AKAP6: variants seen among roughly 807,000 people sequenced by gnomAD.
The protein encoded by AKAP6 is A-kinase anchoring protein 6, also known as A-kinase anchor protein 6.
A neutral mutation model predicts 188.5 loss-of-function variants in AKAP6; 58 were observed. The observed-to-expected ratio is 0.31, with a 90% CI of 0.25 to 0.38. The LOEUF (loss-of-function observed/expected upper bound fraction) is 0.38. AKAP6 is among the 10% of genes least tolerant of loss of function. The probability of loss-of-function intolerance (pLI) is 1.00; values close to 1 mark genes in which losing one functional copy is unlikely to be tolerated. For synonymous variants in AKAP6, 989 were observed against 998.6 expected, an observed-to-expected ratio of 0.99 and a Z score of 0.18; for missense variants, 2,710 against 2,740.0, an observed-to-expected ratio of 0.99 and a Z score of 0.24.
At chr14:32,769,135 C>T (rs1283419478) in intron 11 of AKAP6, among the ~76,000 whole-genome samples, 1 of 144,276 alleles carries the variant, frequency 6.9e-6, no homozygotes, top group Non-Finnish European at 1.5e-5. Context: ...GCAACCTCCA[C>T]CTCCTGGGCT....
At chr14:32,632,345 T>C (rs10140278) in intron 7 of AKAP6, among the ~76,000 whole-genome samples, 42,810 of 152,030 alleles carry the variant, frequency 0.28, 6,253 homozygotes, top group South Asian at 0.39. Context: ...ATTTATTCTA[T>C]GAATGTTTAT....
At chr14:32,481,166 T>C (rs1459915741) in intron 2 of AKAP6, among the ~76,000 whole-genome samples, 2 of 152,324 alleles carry the variant, frequency 1.3e-5, no homozygotes, top group Middle Eastern at 3.4e-3. Context: ...ACTTTATCTG[T>C]TCAGTATTGA....
intron 11 of AKAP6, among the ~76,000 whole-genome samples, chr14:32,744,965 T>G (rs1428132053): frequency 6.6e-6 from 1 of 152,182 alleles, no homozygotes; most frequent in African/African-American, 2.4e-5. Context: ...TTCTTTTTAA[T>G]TATTTTAATC....
In AKAP6 at chr14:32,772,033, A is replaced by G. The variant is rs187580020; in HGVS notation, c.3373-1645A>G. Among the ~76,000 whole-genome samples, 156 of 152,012 alleles carry G rather than the reference A, an allele frequency of 1.0e-3. 3 individuals carry two copies. The highest frequency in any genetic ancestry group is 1.9e-3 in the East Asian group (10 of 5,150). ...CGTTCTAGAGCAAGAGATAAATTGA[A>G]GGGTGTGTGTGGATGTGTGTGTGTG... On this transcript the variant is annotated intron_variant, in intron 11 of 13. Coordinates refer to ENST00000280979, the MANE Select transcript of AKAP6 (RefSeq NM_004274.5).
chr14:32,773,418 A>T (rs995598145), intron 11 of AKAP6, among the ~76,000 whole-genome samples: 2 of 152,184 alleles, frequency 1.3e-5, no homozygotes, highest in Non-Finnish European at 2.9e-5. Flanking sequence ...TTAATTACCC[A>T]GGTGTCTAGG....
intron 1 of AKAP6, among the ~76,000 whole-genome samples, chr14:32,341,395 A>G (rs1451369420): frequency 2.6e-5 from 4 of 152,182 alleles, no homozygotes; most frequent in African/African-American, 7.2e-5. Flanking sequence ...AAAATGGCCA[A>G]ATATTAACAG....
chr14:32,551,439 G>A (rs1306568760), intron 4 of AKAP6, among the ~76,000 whole-genome samples: 1 of 151,664 alleles, frequency 6.6e-6, no homozygotes, highest in Non-Finnish European at 1.5e-5. Context: ...AGGTGTGATG[G>A]TGTGCACCTG....
intron 8 of AKAP6, among the ~76,000 whole-genome samples, chr14:32,684,529 C>T (rs1889825031): frequency 6.6e-6 from 1 of 152,120 alleles, no homozygotes; most frequent in Non-Finnish European, 1.5e-5. Context: ...CTTCCAACTA[C>T]ACAAATAATG....
At position 32,362,393 on chromosome 14, in the gene AKAP6, C is replaced by T. The variant is rs140172658; in HGVS notation, c.-35+32985C>T. On this transcript the variant is annotated intron_variant, in intron 1 of 13. Coordinates refer to ENST00000280979, the MANE Select transcript of AKAP6 (RefSeq NM_004274.5). ...AGAATTAAAATGCAGCACATTAATACAAAGTAATGTGGGTAAAATGTGGCA... is the reference window on the plus strand; with the variant it reads ...AGAATTAAAATGCAGCACATTAATATAAAGTAATGTGGGTAAAATGTGGCA... Among the ~76,000 whole-genome samples, 28 of 152,242 alleles carry T rather than the reference C, an allele frequency of 1.8e-4. No individual in the cohort carries two copies. In the East Asian group the frequency reaches 5.2e-3, roughly 28 times the overall value.
intron 7 of AKAP6, among the ~76,000 whole-genome samples, chr14:32,612,796 T>C (rs1279348378): frequency 1.3e-5 from 2 of 152,176 alleles, no homozygotes; most frequent in East Asian, 1.9e-4. Context: ...TTGAAAAACA[T>C]TAAAAGCATC....
intron 2 of AKAP6, among the ~76,000 whole-genome samples, chr14:32,478,895 T>C (rs1168325833): frequency 6.6e-6 from 1 of 152,150 alleles, no homozygotes; most frequent in Non-Finnish European, 1.5e-5. Context: ...GTCCCCCCTT[T>C]GACTCAGAAT....
intron 2 of AKAP6, among the ~76,000 whole-genome samples, chr14:32,455,444 A>T (rs1891120189): frequency 6.6e-6 from 1 of 152,076 alleles, no homozygotes; most frequent in African/African-American, 2.4e-5. Context: ...CTTTATGTTA[A>T]ATTGTTTTCT....
intron 12 of AKAP6, among the ~76,000 whole-genome samples, chr14:32,775,803 A>G (rs1449421211): frequency 1.3e-5 from 2 of 152,202 alleles, no homozygotes; most frequent in Non-Finnish European, 2.9e-5. Context: ...GGTTCAAGCT[A>G]CTACATACAG....
chr14:32,691,302 A>C (rs1231830209), intron 8 of AKAP6, among the ~76,000 whole-genome samples: 1 of 152,168 alleles, frequency 6.6e-6, no homozygotes, highest in Non-Finnish European at 1.5e-5. Context: ...ACTGTTAACT[A>C]GTTCTCCCCT....
chr14:32,723,624 C>G (rs2030685288), intron 9 of AKAP6, among the ~76,000 whole-genome samples: 1 of 150,154 alleles, frequency 6.7e-6, no homozygotes, highest in Non-Finnish European at 1.5e-5. Flanking sequence ...TCTTGCCATA[C>G]TGAACCCATG....
chr14:32,332,308 C>A (rs1300698253), intron 1 of AKAP6, among the ~76,000 whole-genome samples: 1 of 152,188 alleles, frequency 6.6e-6, no homozygotes, highest in Non-Finnish European at 1.5e-5. Context: ...CTCTATCACA[C>A]GTACCCCACC....
chr14:32,708,212 G>C (rs966026940), intron 9 of AKAP6, among the ~76,000 whole-genome samples: 2 of 152,096 alleles, frequency 1.3e-5, no homozygotes, highest in East Asian at 3.8e-4. Context: ...ATTTGTACTT[G>C]TACCATAGTT....
chr14:32,523,676 C>G (rs1486803610), intron 2 of AKAP6, among the ~76,000 whole-genome samples: 1 of 151,658 alleles, frequency 6.6e-6, no homozygotes, highest in Non-Finnish European at 1.5e-5. Context: ...ACTTTGTCGC[C>G]CAGACTGGTC....
chr14:32,462,563 G>A (rs1594639539), intron 2 of AKAP6, among the ~76,000 whole-genome samples: 1 of 152,220 alleles, frequency 6.6e-6, no homozygotes, highest in Admixed American at 6.5e-5. Context: ...CCTTATAAGA[G>A]CTCCTCAAGG....
Sources: allele counts gnomAD v4.1 joint callset (sites outside exome capture counted in the v4.1 genomes callset), GRCh38; gene constraint gnomAD v4.1.1; transcripts MANE v1.5; gene names NCBI Gene and HGNC (gene_info 2026-07-23, HGNC 2026-07-21).